The following PTPRT variants were observed in gnomAD, a reference collection of about 807,000 sequenced individuals.
PTPRT encodes protein tyrosine phosphatase receptor type T.
In PTPRT, 56 loss-of-function variants were observed where a neutral mutation model predicts 176.8. The observed-to-expected ratio is 0.32, with a 90% confidence interval of 0.26 to 0.40. The LOEUF is 0.40. Among genes scored for constraint, PTPRT ranks in the 10% least tolerant of loss-of-function variants. The pLI is 1.00. For missense variants in PTPRT, 1,540 were observed against 1,908.2 expected (o/e 0.81, Z 3.60); for synonymous variants, 783 against 739.0 (o/e 1.06, Z -0.96).
intron 6 of PTPRT, among the ~76,000 whole-genome samples, chr20:42,730,950 G>A (rs1267109064): frequency 2.0e-5 from 3 of 152,078 alleles, no homozygotes; most frequent in Non-Finnish European, 4.4e-5. Flanking sequence ...ACAGGTGGGT[G>A]TCCATACAGC....
chr20:42,532,728 A>G (rs140478478), intron 7 of PTPRT, among the ~76,000 whole-genome samples: 7 of 152,200 alleles, frequency 4.6e-5, no homozygotes, highest in African/African-American at 1.7e-4. Context: ...TCACAACCAT[A>G]TCCTTAGACC....
intron 1 of PTPRT, among the ~76,000 whole-genome samples, chr20:43,149,235 T>A (rs1030351457): frequency 6.6e-6 from 1 of 152,244 alleles, no homozygotes; most frequent in Non-Finnish European, 1.5e-5. Context: ...CTGTGCATTA[T>A]GTTTTAATAA....
At chr20:42,239,082 A>G (rs1223521485) in intron 14 of PTPRT, among the ~76,000 whole-genome samples, 2 of 152,212 alleles carry the variant, frequency 1.3e-5, no homozygotes, top group East Asian at 3.8e-4. Flanking sequence ...ATTAGGGCTC[A>G]GTAAAGGGTG....
At position 42,443,618 on chromosome 20, in the gene PTPRT, G is replaced by A. The variant is rs2059338219; in HGVS notation, c.1560+4602C>T. 2.0e-5 allele frequency among the ~76,000 whole-genome samples: 3 copies of A among 152,314 alleles called. No individual in the cohort carries two copies. In the South Asian group the frequency reaches 6.2e-4, roughly 32 times the overall value. ...TTCTGAGCTCCCCTTTCAGTGGGCAGAGAGAGAGTTTGAGGCTGCTGCAGA... is the reference window on the plus strand; with the variant it reads ...TTCTGAGCTCCCCTTTCAGTGGGCAAAGAGAGAGTTTGAGGCTGCTGCAGA... On this transcript the variant is annotated intron_variant, in intron 9 of 30. Coordinates refer to ENST00000373187, the MANE Select transcript of PTPRT (RefSeq NM_007050.6).
In PTPRT at chr20:42,730,760, T is replaced by G. The variant is rs562708047; in HGVS notation, c.859+25702A>C. Among the ~76,000 whole-genome samples the G allele has an allele frequency of 8.5e-5, 13 of 152,312 alleles. No homozygotes were observed. The Middle Eastern group carries it at 0.017, about 199-fold the overall frequency. On this transcript the variant is annotated intron_variant, in intron 6 of 30. Transcript: ENST00000373187. ...TTGCTTTCTTGGAGGTGAGAGGACATGGCTGATGACTGATTGGTTTGAGAA... is the reference window on the plus strand; with the variant it reads ...TTGCTTTCTTGGAGGTGAGAGGACAGGGCTGATGACTGATTGGTTTGAGAA...
chr20:42,539,361 C>CTTT (rs71193665), intron 7 of PTPRT, among the ~76,000 whole-genome samples: 14 of 134,202 alleles, frequency 1.0e-4, no homozygotes, highest in South Asian at 7.2e-4. Flanking sequence ...ATCACCATCA[C>CTTT]TTTTTTTTTT....
chr20:43,054,432 T>C (rs541583884), intron 1 of PTPRT, among the ~76,000 whole-genome samples: 1 of 152,198 alleles, frequency 6.6e-6, no homozygotes, highest in Non-Finnish European at 1.5e-5. Context: ...CATCTGCATA[T>C]AGTCCCAGGT....
chr20:42,183,389 T>C (rs1036915711), intron 16 of PTPRT, among the ~76,000 whole-genome samples: 2 of 152,142 alleles, frequency 1.3e-5, no homozygotes, highest in Non-Finnish European at 2.9e-5. Context: ...TTTCAGGATA[T>C]AGGAAGAAGT....
intron 9 of PTPRT, among the ~76,000 whole-genome samples, chr20:42,366,486 G>A (rs1228226377): frequency 6.6e-6 from 1 of 152,140 alleles, no homozygotes; most frequent in Non-Finnish European, 1.5e-5. Flanking sequence ...TGCACCTGTG[G>A]CTCCCAAGAA....
chr20:42,785,835 T>C (rs2077281746), intron 3 of PTPRT, among the ~76,000 whole-genome samples: 1 of 152,148 alleles, frequency 6.6e-6, no homozygotes, highest in Non-Finnish European at 1.5e-5. Context: ...TTTTCCTTTT[T>C]CCCTCCCTCC....
chr20:42,547,607 TCTTAA>T (rs2072697935), intron 7 of PTPRT, among the ~76,000 whole-genome samples: 1 of 152,078 alleles, frequency 6.6e-6, no homozygotes. Context: ...AAGATAACAT[TCTTAA>T]CTTGTTAAAG....
At chr20:42,161,243 G>T in intron 17 of PTPRT, 109 bp downstream of exon 17, 2 of 1,271,308 alleles carry the variant, frequency 1.6e-6, no homozygotes, top group African/African-American at 1.5e-5. Flanking sequence ...ACGCTCCCAG[G>T]TGATACTGAG....
At chr20:42,380,966 G>T (rs1169920858) in intron 9 of PTPRT, among the ~76,000 whole-genome samples, 1 of 152,180 alleles carries the variant, frequency 6.6e-6, no homozygotes, top group Non-Finnish European at 1.5e-5. Context: ...ATGGTGGATG[G>T]CAAAGGAGGA....
At chr20:42,429,562 G>A (rs978017224) in intron 9 of PTPRT, among the ~76,000 whole-genome samples, 1 of 152,166 alleles carries the variant, frequency 6.6e-6, no homozygotes, top group Non-Finnish European at 1.5e-5. Context: ...ACACAGTGAT[G>A]TCTGAGACTC....
chr20:42,463,590 C>T (rs1331542046), intron 8 of PTPRT, among the ~76,000 whole-genome samples: 1 of 152,104 alleles, frequency 6.6e-6, no homozygotes. Flanking sequence ...TTCTCCTCTC[C>T]TCTCCCCTTT....
chr20:42,439,233 C>T (rs1266335021), intron 9 of PTPRT, among the ~76,000 whole-genome samples: 1 of 152,224 alleles, frequency 6.6e-6, no homozygotes, highest in East Asian at 1.9e-4. Context: ...TAGGGAAGGC[C>T]TCTGGGCAAA....
intron 15 of PTPRT, among the ~76,000 whole-genome samples, chr20:42,214,019 T>C (rs1015326022): frequency 1.3e-5 from 2 of 152,190 alleles, no homozygotes; most frequent in South Asian, 2.1e-4. Flanking sequence ...ATAAACAGGG[T>C]ATTAAGTTCC....
At chr20:42,725,732 G>A (rs2076369153) in intron 6 of PTPRT, among the ~76,000 whole-genome samples, 1 of 152,062 alleles carries the variant, frequency 6.6e-6, no homozygotes, top group Non-Finnish European at 1.5e-5. Context: ...ATGTAAATTA[G>A]TTCAACCATT....
At chr20:42,721,475 G>A (rs964840256) in intron 6 of PTPRT, among the ~76,000 whole-genome samples, 1 of 152,204 alleles carries the variant, frequency 6.6e-6, no homozygotes, top group Non-Finnish European at 1.5e-5. Context: ...GTAATCAGGC[G>A]ACCAATCAGA....
Sources: allele counts gnomAD v4.1 joint callset (sites outside exome capture counted in the v4.1 genomes callset), GRCh38; gene constraint gnomAD v4.1.1; transcripts MANE v1.5; gene names NCBI Gene and HGNC (gene_info 2026-07-23, HGNC 2026-07-21).